SAMD12: variants seen among roughly 807,000 people sequenced by gnomAD.
The protein encoded by SAMD12 is sterile alpha motif domain-containing protein 12.
In SAMD12, 9 loss-of-function variants were observed where a neutral mutation model predicts 15.0. The observed-to-expected ratio is 0.60, with a 90% CI of 0.36 to 1.05. SAMD12 has a LOEUF of 1.05. Ranked by LOEUF, SAMD12 falls within the 50% of genes least tolerant of loss-of-function variation. The probability of loss-of-function intolerance (pLI) is 0.01; values close to 1 mark genes in which losing one functional copy is unlikely to be tolerated. For synonymous variants in SAMD12, 86 were observed against 90.1 expected, an observed-to-expected ratio of 0.96 and a Z score of 0.25; for missense variants, 230 against 234.2, an observed-to-expected ratio of 0.98 and a Z score of 0.12.
chr8:118,207,903 G>T lies in SAMD12; in HGVS notation c.434-10171C>A, dbSNP rs147684980. Among the ~76,000 whole-genome samples the T allele has an allele frequency of 2.3e-3, 334 of 143,006 alleles. 1 individual carries two copies. Among genetic ancestry groups the T allele is most frequent in the African/African-American group, 8.5e-3 (321 of 37,772 alleles). The allele number at this position is 143,006 out of a possible 152,430, so 93.8% of individuals were successfully genotyped here. A position where few individuals can be genotyped will look rare whatever the true frequency, so the allele number is the denominator to read the frequency against. On this transcript the variant is annotated intron_variant, in intron 4 of 4. Coordinates refer to the SAMD12 transcript ENST00000409003. ...AAAAGAAAAGCACACTTTTAAAGGAGAATACAAGGTCTACGTAAATACTCC... is the reference window on the plus strand; with the variant it reads ...AAAAGAAAAGCACACTTTTAAAGGATAATACAAGGTCTACGTAAATACTCC...
intron 4 of SAMD12, among the ~76,000 whole-genome samples, chr8:118,198,837 T>C (rs1819634892): frequency 1.3e-5 from 2 of 152,058 alleles, no homozygotes; most frequent in Non-Finnish European, 2.9e-5. Flanking sequence ...TTATTGAAAA[T>C]GCATATGCCT....
At chr8:118,322,467 A>T (rs990237753) in intron 4 of SAMD12, among the ~76,000 whole-genome samples, 1 of 152,230 alleles carries the variant, frequency 6.6e-6, no homozygotes, top group Non-Finnish European at 1.5e-5. Context: ...TAACGTAGGT[A>T]TGGGTTTCAT....
chr8:118,364,930 C>T (rs1818692929), intron 4 of SAMD12, among the ~76,000 whole-genome samples: 1 of 151,458 alleles, frequency 6.6e-6, no homozygotes, highest in Admixed American at 6.6e-5. Flanking sequence ...TGTAGATTAC[C>T]ACAACAGCCT....
Position 118,535,037 on chromosome 8 carries a change from A to T in SAMD12, c.192+45678T>A, listed in dbSNP as rs1825799097. ...GAGGAGAACAGACACTCTGATTTTT[A>T]GAATTTTCAGCTTTTTGCTCTGTTT... On this transcript the variant is annotated intron_variant, in intron 2 of 3. Coordinates refer to ENST00000314727, the MANE Select transcript of SAMD12 (RefSeq NM_207506.3). Among the ~76,000 whole-genome samples, 3 of 131,484 alleles carry T rather than the reference A, an allele frequency of 2.3e-5. No individual in the cohort carries two copies. The Admixed American group carries it at 2.4e-4, about 11-fold the overall frequency. 86.3% of individuals were successfully genotyped at this position (131,484 alleles called of 152,430 possible).
chr8:118,200,895 T>C (rs932159507), intron 4 of SAMD12, among the ~76,000 whole-genome samples: 12 of 152,162 alleles, frequency 7.9e-5, no homozygotes, highest in African/African-American at 2.7e-4. Context: ...TCACGGCTCA[T>C]TGTAGCCTCG....
chr8:118,239,553 A>G (rs1299583444), intron 4 of SAMD12, among the ~76,000 whole-genome samples: 1 of 152,138 alleles, frequency 6.6e-6, no homozygotes, highest in Non-Finnish European at 1.5e-5. Context: ...TCCTCCCAGC[A>G]AATATGAGCA....
chr8:118,398,168 G>A (rs1490839105), intron 3 of SAMD12, among the ~76,000 whole-genome samples: 4 of 152,128 alleles, frequency 2.6e-5, no homozygotes, highest in Admixed American at 6.6e-5. Flanking sequence ...TTGGGAGGCC[G>A]GGCAGATCAT....
intron 3 of SAMD12, among the ~76,000 whole-genome samples, chr8:118,423,012 A>G (rs1822067305): frequency 6.6e-6 from 1 of 152,132 alleles, no homozygotes. Context: ...TGCCTCTACA[A>G]ATAAAAATAC....
chr8:118,271,333 G>A (rs752324317), intron 4 of SAMD12, among the ~76,000 whole-genome samples: 10 of 152,008 alleles, frequency 6.6e-5, no homozygotes, highest in African/African-American at 1.9e-4. Context: ...AATAGCATAA[G>A]GGTAACTGTC....
chr8:118,430,631 A>G (rs1822372793), intron 3 of SAMD12, among the ~76,000 whole-genome samples: 1 of 152,144 alleles, frequency 6.6e-6, no homozygotes, highest in African/African-American at 2.4e-5. Flanking sequence ...AAGTGCTGGG[A>G]TTACAGGCAT....
At chr8:118,595,888 A>G (rs557611194) in intron 1 of SAMD12, among the ~76,000 whole-genome samples, 49 of 152,322 alleles carry the variant, frequency 3.2e-4, no homozygotes, top group African/African-American at 1.1e-3. Flanking sequence ...AGCATTTTAC[A>G]TTAGTGTTTG....
intron 1 of SAMD12, among the ~76,000 whole-genome samples, chr8:118,585,067 T>C (rs1563597889): frequency 6.6e-6 from 1 of 152,116 alleles, no homozygotes; most frequent in African/African-American, 2.4e-5. Context: ...TGTGGATGCA[T>C]GAATGGATAA....
chr8:118,192,913 G>C (rs1451246755), exon 5 of SAMD12: 2 of 152,036 alleles, frequency 1.3e-5, no homozygotes, highest in African/African-American at 4.8e-5. Flanking sequence ...AGTGCATCAG[G>C]GTTTTTAAAT....
At chr8:118,552,361 G>A (rs62531922) in intron 2 of SAMD12, among the ~76,000 whole-genome samples, 18,054 of 152,064 alleles carry the variant, frequency 0.12, 1,197 homozygotes, top group Middle Eastern at 0.2. Flanking sequence ...TGGGATGCAA[G>A]GCTGGTTCAA....
At chr8:118,454,084 G>A (rs540529672) in intron 2 of SAMD12, among the ~76,000 whole-genome samples, 76 of 152,182 alleles carry the variant, frequency 5.0e-4, no homozygotes, top group African/African-American at 1.8e-3. Context: ...TTTTTTCTTA[G>A]TTTACATCTT....
At chr8:118,258,324 C>T (rs1813000346) in intron 4 of SAMD12, among the ~76,000 whole-genome samples, 2 of 152,110 alleles carry the variant, frequency 1.3e-5, no homozygotes, top group Non-Finnish European at 1.5e-5. Context: ...CATTATAAAC[C>T]ACTTTCCTCA....
Position 118,393,391 on chromosome 8 carries a change from T to C in SAMD12, c.323-13691A>G, listed in dbSNP as rs1820387225. On this transcript the variant is annotated intron_variant, in intron 3 of 3. Coordinates refer to ENST00000314727, the MANE Select transcript of SAMD12 (RefSeq NM_207506.3). ...TTTTATATGTATGTGTGTATATACA[T>C]ATATATATATATTTTGATTTTTTAT... Among the ~76,000 whole-genome samples, 3 of 150,954 alleles carry C rather than the reference T, an allele frequency of 2.0e-5. No individual in the cohort carries two copies. In the South Asian group the frequency reaches 6.3e-4, roughly 32 times the overall value.
the SAMD12 span, among the ~76,000 whole-genome samples, chr8:118,135,525 CATTG>C: frequency 6.6e-6 from 1 of 151,120 alleles, no homozygotes; most frequent in Non-Finnish European, 1.5e-5. Flanking sequence ...GGAATTTTTC[CATTG>C]GAGAAATTTT....
At chr8:118,518,580 TATC>T (rs549150272) in intron 2 of SAMD12, among the ~76,000 whole-genome samples, 175 of 152,330 alleles carry the variant, frequency 1.1e-3, no homozygotes, top group Non-Finnish European at 2.0e-3. Flanking sequence ...CTTTCTATGC[TATC>T]AACAAATGTT....
Sources: gnomAD v4.1 joint callset for allele counts (sites outside exome capture counted in the v4.1 genomes callset) on GRCh38, gnomAD v4.1.1 for gene constraint, MANE v1.5 for transcripts, NCBI Gene and HGNC (gene_info 2026-07-23, HGNC 2026-07-21) for gene names.